Variants in GABBR2 observed in about 807,000 individuals in gnomAD.
The protein encoded by GABBR2 is gamma-aminobutyric acid type B receptor subunit 2.
GABBR2 carries 23 observed loss-of-function variants against 105.6 expected under a neutral mutation model. The observed-to-expected ratio is 0.22, with a 90% CI of 0.16 to 0.31. The LOEUF (loss-of-function observed/expected upper bound fraction) is 0.31, where lower values mean the gene tolerates loss of function less well. Ranked by LOEUF, GABBR2 falls within the 10% of genes least tolerant of loss-of-function variation. The probability of loss-of-function intolerance (pLI) is 1.00; values close to 1 mark genes in which losing one functional copy is unlikely to be tolerated. For missense variants in GABBR2, 734 were observed against 1,245.5 expected, an observed-to-expected ratio of 0.59 and a Z score of 6.18; for synonymous variants, 478 against 499.7, an observed-to-expected ratio of 0.96 and a Z score of 0.58.
At chr9:98,334,064 C>T (rs1831073030) in intron 13 of GABBR2, among the ~76,000 whole-genome samples, 10 of 152,190 alleles carry the variant, frequency 6.6e-5, no homozygotes, top group Admixed American at 6.5e-4. Flanking sequence ...GCTATTGTTA[C>T]TCCTAAGACA....
chr9:98,437,445 C>T (rs1269530228), intron 7 of GABBR2, among the ~76,000 whole-genome samples: 1 of 151,372 alleles, frequency 6.6e-6, no homozygotes, highest in Non-Finnish European at 1.5e-5. Flanking sequence ...GTCCATCAAT[C>T]TACTCACATA....
chr9:98,599,503 G>A (rs1213964359), intron 1 of GABBR2, among the ~76,000 whole-genome samples: 1 of 152,216 alleles, frequency 6.6e-6, no homozygotes, highest in Admixed American at 6.5e-5. Context: ...CAAGAAACCA[G>A]GGGAATCTTA....
chr9:98,573,928 G>A (rs1397484210), intron 2 of GABBR2, among the ~76,000 whole-genome samples: 1 of 152,196 alleles, frequency 6.6e-6, no homozygotes, highest in African/African-American at 2.4e-5. Flanking sequence ...TACTCCCTTG[G>A]AGAAGATATC....
At chr9:98,627,575 T>C (rs1420971654) in intron 1 of GABBR2, among the ~76,000 whole-genome samples, 1 of 152,204 alleles carries the variant, frequency 6.6e-6, no homozygotes, top group Non-Finnish European at 1.5e-5. Context: ...ACAGTGTAAG[T>C]GGTAGAACAG....
chr9:98,334,520 T>C (rs1831081283), intron 13 of GABBR2, among the ~76,000 whole-genome samples: 1 of 152,204 alleles, frequency 6.6e-6, no homozygotes, highest in African/African-American at 2.4e-5. Context: ...TTTGTGAACT[T>C]TGCCATGCTG....
chr9:98,501,512 A>G (rs561962150), intron 3 of GABBR2, among the ~76,000 whole-genome samples: 2 of 152,182 alleles, frequency 1.3e-5, no homozygotes, highest in African/African-American at 4.8e-5. Context: ...GGAAGGGACA[A>G]TCCCTCTCTG....
In GABBR2 at chr9:98,303,334, C is replaced by A; in HGVS notation, c.2319G>T (p.Thr773=). ...TQNQKKEDSK[T]STSVTSVNQA... Reference sequence around the variant, plus strand: ...GGTTCACACTGGTGACCGAGGTGGACGTTTTAGAATCTTCTTTCTTCTGAT... The same window carrying A: ...GGTTCACACTGGTGACCGAGGTGGAAGTTTTAGAATCTTCTTTCTTCTGAT... The change falls in exon 16 of 19, where the codon ACG becomes ACT. Residue 773 remains threonine (T), a synonymous_variant. Coordinates refer to ENST00000259455, the MANE Select transcript of GABBR2 (RefSeq NM_005458.8). 1 of 1,614,050 alleles carries A rather than the reference C, an allele frequency of 6.2e-7. No homozygotes were observed. Among genetic ancestry groups the A allele is most frequent in the East Asian group, 2.2e-5 (1 of 44,882 alleles).
intron 7 of GABBR2, among the ~76,000 whole-genome samples, chr9:98,411,798 C>G (rs1832596300): frequency 6.6e-6 from 1 of 152,052 alleles, no homozygotes; most frequent in Non-Finnish European, 1.5e-5. Context: ...CTCAAACTCC[C>G]GGCCTCAAAT....
intron 13 of GABBR2, among the ~76,000 whole-genome samples, chr9:98,335,545 T>C (rs1831098837): frequency 6.6e-6 from 1 of 152,144 alleles, no homozygotes; most frequent in South Asian, 2.1e-4. Flanking sequence ...GGGCCCTTTC[T>C]AAGCCAGTTA....
chr9:98,496,695 GT>G, intron 3 of GABBR2, among the ~76,000 whole-genome samples, 181 bp from the exon 4 acceptor site: 1 of 152,114 alleles, frequency 6.6e-6, no homozygotes, highest in East Asian at 1.9e-4. Context: ...GGATCCCCCA[GT>G]CCCACCCTGC....
rs540234965 is a variant in GABBR2, at chr9:98,327,594, C to A, written c.1894-16389G>T. On this transcript the variant is annotated intron_variant, in intron 13 of 18. Coordinates refer to ENST00000259455, the MANE Select transcript of GABBR2 (RefSeq NM_005458.8). ...ATTAACTAAAAAATATAAGGCCGGG[C>A]GCAGTGGCTGATGTCTGTAATCCCA... Among the ~76,000 whole-genome samples the A allele has an allele frequency of 2.2e-4, 34 of 152,016 alleles. No homozygotes were observed. The East Asian group carries it at 2.9e-3, about 13-fold the overall frequency.
At chr9:98,694,210 C>A (rs971685955) in intron 1 of GABBR2, among the ~76,000 whole-genome samples, 2 of 152,204 alleles carry the variant, frequency 1.3e-5, no homozygotes, top group African/African-American at 4.8e-5. Flanking sequence ...TCTCCCCCAG[C>A]CACCCAACTA....
intron 2 of GABBR2, among the ~76,000 whole-genome samples, chr9:98,575,621 C>T (rs1828896407): frequency 6.6e-6 from 1 of 152,132 alleles, no homozygotes; most frequent in Non-Finnish European, 1.5e-5. Flanking sequence ...CCTCAATGTT[C>T]AGGAAAGCAA....
intron 12 of GABBR2, among the ~76,000 whole-genome samples, chr9:98,364,646 G>C (rs1233504904): frequency 7.1e-6 from 1 of 140,822 alleles, no homozygotes; most frequent in Non-Finnish European, 1.5e-5. Context: ...ACTTAGGCTG[G>C]AATGCAATGG....
Position 98,388,973 on chromosome 9 carries a change from G to A in GABBR2, c.1410C>T (p.Ile470=). The A allele has an allele frequency of 6.2e-7, 1 of 1,613,718 alleles. No individual in the cohort carries two copies. Among genetic ancestry groups the A allele is most frequent in the Non-Finnish European group, 8.5e-7 (1 of 1,179,792 alleles). ...GGGAGATCTTCCGCAGCTGCTCCAG[G>A]ATGATGGTCTTGTCTTTTGGTGGTT... ...GSEPPKDKTI[I]LEQLRKISLP... Residue 470 remains isoleucine, a synonymous_variant, in exon 10 of 19, where the codon ATC becomes ATT. Coordinates refer to ENST00000259455, the MANE Select transcript of GABBR2 (RefSeq NM_005458.8). The surrounding 1 kb of genome is among the most constrained non-coding windows in gnomAD (Gnocchi z 4.4).
At chr9:98,595,391 T>A (rs1382241390) in intron 1 of GABBR2, among the ~76,000 whole-genome samples, 1 of 151,528 alleles carries the variant, frequency 6.6e-6, no homozygotes, top group East Asian at 2.0e-4. Flanking sequence ...AAGGAAACTT[T>A]TAGACTGCAG....
intron 3 of GABBR2, among the ~76,000 whole-genome samples, chr9:98,505,457 T>TGC (rs1554712632): frequency 6.7e-5 from 10 of 149,418 alleles, no homozygotes; most frequent in African/African-American, 2.2e-4. Flanking sequence ...TGTGTGTGTG[T>TGC]GCATGTGCGT....
At chr9:98,369,511 G>A (rs1316214401) in intron 12 of GABBR2, among the ~76,000 whole-genome samples, 12 of 152,188 alleles carry the variant, frequency 7.9e-5, no homozygotes. Context: ...ACATTCTACA[G>A]ATGAGGACAC....
intron 1 of GABBR2, among the ~76,000 whole-genome samples, chr9:98,653,874 A>C (rs994920161): frequency 8.5e-5 from 13 of 152,222 alleles, no homozygotes; most frequent in African/African-American, 3.1e-4. Flanking sequence ...GTAGTATGCC[A>C]GGTACTGCCT....
Sources: allele counts gnomAD v4.1 joint callset (sites outside exome capture counted in the v4.1 genomes callset), GRCh38; gene constraint gnomAD v4.1.1; non-coding constraint Gnocchi (gnomAD v3.1); transcripts MANE v1.5; gene names NCBI Gene and HGNC (gene_info 2026-07-23, HGNC 2026-07-21).